Variants in RPTOR observed in about 807,000 individuals in gnomAD.
RPTOR encodes regulatory-associated protein of mTOR.
In RPTOR, 21 loss-of-function variants were observed where a neutral mutation model predicts 169.9. That is an observed-to-expected ratio of 0.12 (90% CI 0.09 to 0.18). The LOEUF (loss-of-function observed/expected upper bound fraction) is 0.18, where lower values mean the gene tolerates loss of function less well. Ranked by LOEUF, RPTOR falls within the 10% of genes least tolerant of loss-of-function variation. RPTOR has a pLI of 1.00. For synonymous variants in RPTOR, 732 were observed against 753.2 expected (o/e 0.97, Z 0.46); for missense variants, 1,133 against 1,855.9 (o/e 0.61, Z 7.16).
rs1182556029 is a variant in RPTOR at position 80,708,792 on chromosome 17, G to A, written c.507+793G>A. The A allele has an allele frequency of 1.1e-5, 3 of 262,484 alleles. No homozygotes were observed. The highest frequency in any genetic ancestry group is 1.8e-5 in the Non-Finnish European group (3 of 168,918). The allele number at this position is 262,484 out of a possible 1,614,324, so 16.3% of individuals were successfully genotyped here. A position where few individuals can be genotyped will look rare whatever the true frequency, so the allele number is the denominator to read the frequency against. ...GCGTGATGCATGAAAAGCAGTTCTTGGAGGGTGCGGTGGCCCCATATGTGC... is the reference window on the plus strand; with the variant it reads ...GCGTGATGCATGAAAAGCAGTTCTTAGAGGGTGCGGTGGCCCCATATGTGC... On this transcript the variant is annotated intron_variant, in intron 4 of 33. Transcript: ENST00000306801. The surrounding 1 kb of genome is among the most constrained non-coding windows in gnomAD (Gnocchi z 4.2).
At chr17:80,733,767 T>C (rs2066411575) in intron 5 of RPTOR, among the ~76,000 whole-genome samples, 1 of 152,264 alleles carries the variant, frequency 6.6e-6, no homozygotes, top group Non-Finnish European at 1.5e-5. Flanking sequence ...AAATTCTAGA[T>C]TGAAGAGGCT....
chr17:80,891,949 A>C (rs1598382660), intron 18 of RPTOR, 112 bp downstream of exon 18: 21 of 622,712 alleles, frequency 3.4e-5, no homozygotes, highest in Admixed American at 5.5e-5. Context: ...TTTCTCAGAT[A>C]CCTGCCGCAA....
At chr17:80,825,707 C>A (rs1285785622) in intron 9 of RPTOR, among the ~76,000 whole-genome samples, 1 of 152,212 alleles carries the variant, frequency 6.6e-6, no homozygotes, top group African/African-American at 2.4e-5. Flanking sequence ...CTCTTCCTGA[C>A]GGTCACTGTG....
chr17:80,893,691 G>T lies in RPTOR; in HGVS notation c.2243-16G>T. 6.2e-7 allele frequency: 1 copy of T among 1,605,956 alleles called. No individual in the cohort carries two copies. The highest frequency in any genetic ancestry group is 8.5e-7 in the Non-Finnish European group (1 of 1,176,062). ...GTCCCGGGAGCACCCCACTGACCCC[G>T]TTGCGTCTCGGGCAGCTGGTGGCGC... On this transcript the variant is annotated splice_polypyrimidine_tract_variant and intron_variant, in intron 19 of 33. Transcript: ENST00000306801.
chr17:80,547,722 A>G (rs144757205), intron 1 of RPTOR, among the ~76,000 whole-genome samples: 56 of 152,320 alleles, frequency 3.7e-4, no homozygotes, highest in African/African-American at 1.3e-3. Flanking sequence ...CACACATGCT[A>G]TAGGACAGAA....
At position 80,746,404 on chromosome 17, in the gene RPTOR, C is replaced by T. The variant is rs2066575825; in HGVS notation, c.655-7606C>T. Among the ~76,000 whole-genome samples the T allele has an allele frequency of 6.6e-6, 1 of 152,206 alleles. No individual in the cohort carries two copies. Among genetic ancestry groups the T allele is most frequent in the South Asian group, 2.1e-4 (1 of 4,834 alleles). Reference sequence around the variant, plus strand: ...CGGACGGCAGGCCTGGGGCGTGCTGCCCGCTTACCTCATGAACTGCGCGTG... The same window carrying T: ...CGGACGGCAGGCCTGGGGCGTGCTGTCCGCTTACCTCATGAACTGCGCGTG... On this transcript the variant is annotated intron_variant, in intron 5 of 33. Transcript: ENST00000306801. The surrounding 1 kb of genome is among the most constrained non-coding windows in gnomAD (Gnocchi z 4.5).
chr17:80,789,542 G>C (rs1046763713), intron 6 of RPTOR, among the ~76,000 whole-genome samples: 1 of 152,178 alleles, frequency 6.6e-6, no homozygotes, highest in Non-Finnish European at 1.5e-5. Context: ...TCCTGTGTGC[G>C]TGCCCTTCAG....
chr17:80,889,295 T>G (rs1229758214), intron 17 of RPTOR, among the ~76,000 whole-genome samples: 1 of 152,160 alleles, frequency 6.6e-6, no homozygotes. Flanking sequence ...GGATCACGCA[T>G]GGACTCTGAA....
At chr17:80,954,690 A>T (rs2069226559) in intron 28 of RPTOR, among the ~76,000 whole-genome samples, 1 of 152,236 alleles carries the variant, frequency 6.6e-6, no homozygotes, top group South Asian at 2.1e-4. Context: ...GCCGAGGCAG[A>T]TGGATCACCT....
At chr17:80,551,425 G>A (rs964177052) in intron 1 of RPTOR, among the ~76,000 whole-genome samples, 2 of 152,088 alleles carry the variant, frequency 1.3e-5, no homozygotes, top group Non-Finnish European at 2.9e-5. Context: ...ATGTGTCAGG[G>A]TCACAAGACA....
chr17:80,554,407 A>G (rs1227481653), intron 1 of RPTOR, among the ~76,000 whole-genome samples: 1 of 152,154 alleles, frequency 6.6e-6, no homozygotes. Context: ...CACATACTTC[A>G]ACCAAAACAG....
At chr17:80,954,652 G>A (rs561591711) in intron 28 of RPTOR, among the ~76,000 whole-genome samples, 57 of 152,338 alleles carry the variant, frequency 3.7e-4, no homozygotes, top group African/African-American at 1.1e-3. Flanking sequence ...TGGGCCAGGC[G>A]TGGTGGCTCA....
Position 80,695,252 on chromosome 17 carries a change from G to A in RPTOR, c.349-12589G>A, listed in dbSNP as rs775259999. 2.0e-4 allele frequency among the ~76,000 whole-genome samples: 31 copies of A among 152,190 alleles called. No individual in the cohort carries two copies. The highest frequency in any genetic ancestry group is 4.0e-4 in the Non-Finnish European group (27 of 68,038). On this transcript the variant is annotated intron_variant, in intron 3 of 33. Transcript: ENST00000306801. The surrounding 1 kb of genome is among the most constrained non-coding windows in gnomAD (Gnocchi z 4.9). ...CACTCACCCCCACATTGTCTGCCACGGGGGCCCGAGCATTTCCACACGAGA... is the reference window on the plus strand; with the variant it reads ...CACTCACCCCCACATTGTCTGCCACAGGGGCCCGAGCATTTCCACACGAGA...
chr17:80,826,702 G>A (rs1374494794), intron 9 of RPTOR, among the ~76,000 whole-genome samples: 1 of 152,244 alleles, frequency 6.6e-6, no homozygotes, highest in Non-Finnish European at 1.5e-5. Context: ...GATGAAGACT[G>A]AAGAAGAACC....
intron 3 of RPTOR, among the ~76,000 whole-genome samples, chr17:80,696,409 C>T (rs2066036739): frequency 6.6e-6 from 1 of 151,878 alleles, no homozygotes; most frequent in African/African-American, 2.4e-5. Context: ...CATGTTGGGA[C>T]AAAAAAAATG....
chr17:80,719,426 TC>T (rs2143150641), intron 4 of RPTOR, among the ~76,000 whole-genome samples: 1 of 152,338 alleles, frequency 6.6e-6, no homozygotes, highest in East Asian at 1.9e-4. Context: ...GAGTACATCT[TC>T]TGCCAGAGAA....
At chr17:80,931,242 C>A (rs1443244252) in intron 24 of RPTOR, among the ~76,000 whole-genome samples, 5 of 152,180 alleles carry the variant, frequency 3.3e-5, no homozygotes, top group African/African-American at 9.7e-5. Flanking sequence ...TCTGACTTTT[C>A]CTGAACTCAT....
At chr17:80,817,251 GC>G (rs1191663754) in intron 7 of RPTOR, among the ~76,000 whole-genome samples, 2 of 152,172 alleles carry the variant, frequency 1.3e-5, no homozygotes, top group Non-Finnish European at 1.5e-5. Context: ...CCAAATTCAA[GC>G]CCCCGTCTGT....
intron 2 of RPTOR, among the ~76,000 whole-genome samples, chr17:80,642,844 A>G (rs561708825): frequency 1.3e-5 from 2 of 152,358 alleles, no homozygotes; most frequent in South Asian, 2.1e-4. Flanking sequence ...CACTGAAACC[A>G]TGAAATGCCA....
Sources: gnomAD v4.1 joint callset for allele counts (sites outside exome capture counted in the v4.1 genomes callset) on GRCh38, gnomAD v4.1.1 for gene constraint, Gnocchi (gnomAD v3.1) non-coding constraint, MANE v1.5 for transcripts, NCBI Gene and HGNC (gene_info 2026-07-23, HGNC 2026-07-21) for gene names.